Variants in WDPCP observed in about 807,000 individuals in gnomAD.
WDPCP encodes WD repeat containing planar cell polarity effector.
A neutral mutation model predicts 93.1 loss-of-function variants in WDPCP; 71 were observed. That is an observed-to-expected ratio of 0.76 (90% CI 0.63 to 0.93). The LOEUF is 0.93. WDPCP is among the 40% of genes least tolerant of loss of function. The pLI is 0.00. For missense variants in WDPCP, 844 were observed against 887.4 expected, an observed-to-expected ratio of 0.95 and a Z score of 0.62; for synonymous variants, 315 against 315.0, an observed-to-expected ratio of 1.00 and a Z score of 0.00.
At chr2:63,722,948 T>C (rs1374020082) in intron 2 of WDPCP, among the ~76,000 whole-genome samples, 1 of 152,136 alleles carries the variant, frequency 6.6e-6, no homozygotes, top group Non-Finnish European at 1.5e-5. Context: ...TAAGAAAACT[T>C]CTTCTGCCTT....
intron 2 of WDPCP, among the ~76,000 whole-genome samples, chr2:63,791,105 T>C (rs564426467): frequency 6.6e-6 from 1 of 152,308 alleles, no homozygotes; most frequent in East Asian, 1.9e-4. Context: ...ACTGCCTGAC[T>C]CACCAGGGAG....
At chr2:63,413,760 G>T (rs1807843) in intron 9 of WDPCP, among the ~76,000 whole-genome samples, 38,608 of 151,792 alleles carry the variant, frequency 0.25, 5,821 homozygotes, top group East Asian at 0.65. Flanking sequence ...ATCCAGCCTG[G>T]GCTACAGAGT....
chr2:63,333,490 T>G (rs1435599300), intron 12 of WDPCP, among the ~76,000 whole-genome samples: 1 of 152,210 alleles, frequency 6.6e-6, no homozygotes, highest in Non-Finnish European at 1.5e-5. Flanking sequence ...TTACAACCTG[T>G]TCTCTCTGAA....
intron 1 of WDPCP, among the ~76,000 whole-genome samples, chr2:63,555,128 C>G (rs549041173): frequency 6.6e-6 from 1 of 152,232 alleles, no homozygotes; most frequent in African/African-American, 2.4e-5. Flanking sequence ...CATTGCAGCT[C>G]TGGTCTGCTA....
intron 1 of WDPCP, among the ~76,000 whole-genome samples, chr2:63,530,775 G>A (rs1192804731): frequency 1.3e-5 from 2 of 152,204 alleles, no homozygotes; most frequent in East Asian, 3.9e-4. Context: ...CCCAGCATGA[G>A]CGACACAGAA....
At chr2:63,206,598 G>C (rs1676354517) in intron 14 of WDPCP, among the ~76,000 whole-genome samples, 1 of 152,058 alleles carries the variant, frequency 6.6e-6, no homozygotes, top group Non-Finnish European at 1.5e-5. Context: ...GAGTACAGGA[G>C]TGTGCCACCA....
At chr2:63,508,995 C>A (rs766672472) in intron 1 of WDPCP, among the ~76,000 whole-genome samples, 6 of 152,182 alleles carry the variant, frequency 3.9e-5, no homozygotes, top group Non-Finnish European at 7.3e-5. Flanking sequence ...GAGACTTTAA[C>A]ATCCCACTGT....
intron 2 of WDPCP, among the ~76,000 whole-genome samples, chr2:63,772,349 TC>T: frequency 6.6e-6 from 1 of 152,186 alleles, no homozygotes; most frequent in Non-Finnish European, 1.5e-5. Context: ...AGTGTTTATG[TC>T]CTTTGCTCAC....
intron 10 of WDPCP, among the ~76,000 whole-genome samples, chr2:63,385,919 T>G (rs1240293727): frequency 1.3e-5 from 2 of 152,086 alleles, no homozygotes; most frequent in Non-Finnish European, 2.9e-5. Context: ...GGTACAGACA[T>G]TTAATTCACT....
chr2:63,222,817 A>G (rs980808662), intron 14 of WDPCP, among the ~76,000 whole-genome samples: 3 of 152,126 alleles, frequency 2.0e-5, no homozygotes, highest in African/African-American at 7.2e-5. Context: ...TTTTCCATTT[A>G]TCTCTTCTCT....
intron 12 of WDPCP, among the ~76,000 whole-genome samples, chr2:63,313,874 A>ATGTGTGTGTG (rs766720950): frequency 0.12 from 2,722 of 22,540 alleles, 144 homozygotes; most frequent in Middle Eastern, 0.31. Context: ...ATATATATAT[A>ATGTGTGTGTG]TATATATATA....
At chr2:63,670,336 T>G (rs1710330660) in intron 2 of WDPCP, among the ~76,000 whole-genome samples, 1 of 152,130 alleles carries the variant, frequency 6.6e-6, no homozygotes, top group Non-Finnish European at 1.5e-5. Context: ...GAGCCCCTTT[T>G]CCTCTGTTCT....
chr2:63,740,936 C>T (rs1230046558), intron 2 of WDPCP, among the ~76,000 whole-genome samples: 1 of 152,166 alleles, frequency 6.6e-6, no homozygotes, highest in Non-Finnish European at 1.5e-5. Context: ...TCTAGTTCTT[C>T]TGCTCATGCA....
intron 9 of WDPCP, among the ~76,000 whole-genome samples, chr2:63,423,001 T>C (rs1695986866): frequency 6.6e-6 from 1 of 152,192 alleles, no homozygotes; most frequent in Non-Finnish European, 1.5e-5. Flanking sequence ...AAAAGCTATA[T>C]GGGTATACAA....
chr2:63,318,611 C>G (rs978740188), intron 12 of WDPCP, among the ~76,000 whole-genome samples: 1 of 152,058 alleles, frequency 6.6e-6, no homozygotes, highest in Non-Finnish European at 1.5e-5. Flanking sequence ...TTGTCCTTTG[C>G]AGCAACATGG....
At chr2:63,601,273 GT>G (rs1229714596) in intron 3 of WDPCP, among the ~76,000 whole-genome samples, 1 of 152,178 alleles carries the variant, frequency 6.6e-6, no homozygotes, top group Admixed American at 6.5e-5. Context: ...CCAAAGATAA[GT>G]TTTTCTTACA....
intron 3 of WDPCP, among the ~76,000 whole-genome samples, chr2:63,596,716 T>C (rs1380922324): frequency 3.9e-5 from 6 of 152,222 alleles, no homozygotes; most frequent in Non-Finnish European, 7.3e-5. Context: ...ATGTTGGTCA[T>C]AGCTTTTTTA....
At chr2:63,327,971 G>A (rs1004122444) in intron 12 of WDPCP, among the ~76,000 whole-genome samples, 6 of 152,186 alleles carry the variant, frequency 3.9e-5, no homozygotes, top group East Asian at 1.9e-4. Flanking sequence ...TCCCTTCTTC[G>A]CCCCTATCCG....
At chr2:63,365,874 T>G (rs941049825) in intron 12 of WDPCP, among the ~76,000 whole-genome samples, 14 of 152,232 alleles carry the variant, frequency 9.2e-5, no homozygotes, top group African/African-American at 3.4e-4. Context: ...AACACTGTTG[T>G]AAATTTATTT....
Sources: gnomAD v4.1 joint callset for allele counts (sites outside exome capture counted in the v4.1 genomes callset) on GRCh38, gnomAD v4.1.1 for gene constraint, MANE v1.5 for transcripts, NCBI Gene and HGNC (gene_info 2026-07-23, HGNC 2026-07-21) for gene names.